The following KIF16B variants were observed in gnomAD, a reference collection of about 807,000 sequenced individuals.
KIF16B encodes the protein kinesin family member 16B.
KIF16B carries 98 observed loss-of-function variants against 156.3 expected under a neutral mutation model. That is an observed-to-expected ratio of 0.63 (90% CI 0.53 to 0.74). The LOEUF (loss-of-function observed/expected upper bound fraction) is 0.74, where lower values mean the gene tolerates loss of function less well. KIF16B is among the 30% of genes least tolerant of loss of function. The probability of loss-of-function intolerance (pLI) is 0.00; values close to 1 mark genes in which losing one functional copy is unlikely to be tolerated. For synonymous variants in KIF16B, 564 were observed against 583.7 expected, an observed-to-expected ratio of 0.97 and a Z score of 0.49; for missense variants, 1,421 against 1,606.5, an observed-to-expected ratio of 0.88 and a Z score of 1.97.
In KIF16B at chr20:16,355,219, G is replaced by A. The variant is rs931184072; in HGVS notation, c.3621+1111C>T. Among the ~76,000 whole-genome samples the A allele has an allele frequency of 7.2e-5, 11 of 152,104 alleles. No individual in the cohort carries two copies. In the East Asian group the frequency reaches 1.5e-3, roughly 21 times the overall value. On this transcript the variant is annotated intron_variant, in intron 23 of 25. Transcript: ENST00000354981. ...AGGGGTGGGGACAGGCAGGGGAGAC[G>A]GCTGGCTCTAGGCTCCTTCCTCCCT...
intron 17 of KIF16B, among the ~76,000 whole-genome samples, chr20:16,404,228 C>T (rs756447834): frequency 5.9e-5 from 9 of 152,112 alleles, no homozygotes; most frequent in Non-Finnish European, 1.2e-4. Context: ...CCGAAAAGGG[C>T]CCTCAAAGTT....
Position 16,435,134 on chromosome 20 carries a change from G to GT in KIF16B, c.1303-5153dup, listed in dbSNP as rs1233565480. Among the ~76,000 whole-genome samples, 3 of 152,222 alleles carry GT rather than the reference G, an allele frequency of 2.0e-5. No homozygotes were observed. In the East Asian group the frequency reaches 5.8e-4, roughly 29 times the overall value. On this transcript the variant is annotated intron_variant, in intron 12 of 25. Coordinates refer to ENST00000354981, the MANE Select transcript of KIF16B (RefSeq NM_024704.5). ...AAGAGGTATTTCCTAAAATATCCTT[G>GT]TAAGTCAAGAGGTTATGAAACATAA...
chr20:16,352,322 T>C (rs1003690078), intron 23 of KIF16B, among the ~76,000 whole-genome samples: 6 of 152,244 alleles, frequency 3.9e-5, no homozygotes, highest in African/African-American at 1.2e-4. Context: ...CAAAAACCTG[T>C]CTACTTATAT....
chr20:16,310,132 G>C (rs1042658962), intron 25 of KIF16B, among the ~76,000 whole-genome samples: 1 of 152,322 alleles, frequency 6.6e-6, no homozygotes, highest in East Asian at 1.9e-4. Context: ...TCAACATTAG[G>C]TGAAATGCAT....
At chr20:16,554,073 A>T (rs1240804231) in intron 1 of KIF16B, among the ~76,000 whole-genome samples, 1 of 152,198 alleles carries the variant, frequency 6.6e-6, no homozygotes. Flanking sequence ...CATGAACAGC[A>T]GCAGGAGACA....
intron 24 of KIF16B, among the ~76,000 whole-genome samples, chr20:16,321,466 G>A (rs1269302872): frequency 6.6e-6 from 1 of 151,994 alleles, no homozygotes; most frequent in East Asian, 1.9e-4. Context: ...CTAGTTCCTA[G>A]TTTCATCATC....
At chr20:16,295,679 C>A (rs1026184764) in intron 25 of KIF16B, among the ~76,000 whole-genome samples, 3 of 152,058 alleles carry the variant, frequency 2.0e-5, no homozygotes, top group Admixed American at 6.6e-5. Context: ...AAATGACAAT[C>A]CGGTCACCTG....
rs562154816 is a variant in KIF16B at position 16,272,660 on chromosome 20, C to A, written c.*593G>T. ...TGGAAGACTACAGTCATGATTGGAT[C>A]AAAAAATCCCTTTTGCAGAATATGA... is the stretch of plus-strand genomic sequence containing the variant. On this transcript the variant is annotated 3_prime_UTR_variant, in exon 26 of 26. Coordinates refer to ENST00000354981, the MANE Select transcript of KIF16B (RefSeq NM_024704.5). 6.6e-6 allele frequency: 1 copy of A among 152,332 alleles called. No homozygotes were observed. The highest frequency in any genetic ancestry group is 1.5e-5 in the Non-Finnish European group (1 of 68,008). The allele number at this position is 152,332 out of a possible 1,614,324, so 9.4% of individuals were successfully genotyped here. A position where few individuals can be genotyped will look rare whatever the true frequency, so the allele number is the denominator to read the frequency against.
At chr20:16,433,674 G>T (rs1281633750) in intron 12 of KIF16B, among the ~76,000 whole-genome samples, 1 of 151,808 alleles carries the variant, frequency 6.6e-6, no homozygotes, top group Non-Finnish European at 1.5e-5. Context: ...TGAATTAAGA[G>T]AAAGTTTTCC....
intron 12 of KIF16B, among the ~76,000 whole-genome samples, chr20:16,489,483 GC>G (rs2068221559): frequency 6.6e-6 from 1 of 152,118 alleles, no homozygotes; most frequent in African/African-American, 2.4e-5. Flanking sequence ...AATTGCTTGA[GC>G]CCAGGAATTC....
intron 25 of KIF16B, among the ~76,000 whole-genome samples, chr20:16,299,047 C>T (rs755928448): frequency 1.3e-5 from 2 of 152,124 alleles, no homozygotes; most frequent in Non-Finnish European, 2.9e-5. Context: ...TCAACACTGA[C>T]TGAATATTTG....
Position 16,339,539 on chromosome 20 carries a change from C to T in KIF16B, c.3622-3524G>A, listed in dbSNP as rs370995094. Among the ~76,000 whole-genome samples, 95 of 152,246 alleles carry T rather than the reference C, an allele frequency of 6.2e-4. 3 individuals are homozygous for T. The South Asian group carries it at 0.019, about 31-fold the overall frequency. ...TGTACCTCTCTCCTGAACCCAGACT[C>T]GTATATCCGACTGGCTACTTGACAA... is the stretch of plus-strand genomic sequence containing the variant. On this transcript the variant is annotated intron_variant, in intron 23 of 25. Transcript: ENST00000354981.
intron 12 of KIF16B, among the ~76,000 whole-genome samples, chr20:16,465,926 T>C (rs1266787702): frequency 6.6e-6 from 1 of 152,210 alleles, no homozygotes; most frequent in Non-Finnish European, 1.5e-5. Flanking sequence ...TCTCAGACCC[T>C]GCCTGGCATG....
intron 12 of KIF16B, among the ~76,000 whole-genome samples, chr20:16,440,530 C>CGT (rs1555885049): frequency 1.8e-4 from 16 of 87,638 alleles, no homozygotes; most frequent in South Asian, 4.9e-4. Flanking sequence ...CACACAAGCG[C>CGT]GCGCACACAC....
chr20:16,346,913 A>G (rs982366678), intron 23 of KIF16B, among the ~76,000 whole-genome samples: 15 of 152,342 alleles, frequency 9.8e-5, no homozygotes, highest in African/African-American at 3.4e-4. Context: ...TTCAGAGGCA[A>G]ACCAAGGAAT....
chr20:16,367,582 A>G, intron 22 of KIF16B: 1 of 1,612,838 alleles, frequency 6.2e-7, no homozygotes. Context: ...TGTGTAGAGC[A>G]GTAACTGAAC....
Position 16,364,670 on chromosome 20 carries a change from G to C in KIF16B, c.3498+5916C>G, listed in dbSNP as rs189691874. Among the ~76,000 whole-genome samples, 17 of 152,330 alleles carry C rather than the reference G, an allele frequency of 1.1e-4. No homozygotes were observed. The East Asian group carries it at 2.5e-3, about 22-fold the overall frequency. ...AACCTTAATACTTACTTCACAGAGA[G>C]TAAATCAAACTCTCACACAGAGGAA... On this transcript the variant is annotated intron_variant, in intron 22 of 25. Transcript: ENST00000354981.
chr20:16,400,569 T>G lies in KIF16B; in HGVS notation c.1784+4244A>C, dbSNP rs144925902. Among the ~76,000 whole-genome samples the G allele has an allele frequency of 3.2e-3, 490 of 152,314 alleles. 2 individuals are homozygous for G. The highest frequency in any genetic ancestry group is 0.011 in the African/African-American group (473 of 41,570). On this transcript the variant is annotated intron_variant, in intron 17 of 25. Coordinates refer to ENST00000354981, the MANE Select transcript of KIF16B (RefSeq NM_024704.5). ...CAAACAAGTTGGACACCCATGTTCA[T>G]AGCAGCATTATTCACAATAGCCAAA... is the stretch of plus-strand genomic sequence containing the variant.
chr20:16,360,726 T>C (rs748466864), intron 22 of KIF16B, among the ~76,000 whole-genome samples: 5 of 152,242 alleles, frequency 3.3e-5, no homozygotes, highest in Non-Finnish European at 5.9e-5. Context: ...ACAAATACGC[T>C]ATTTTTCCAT....
Sources: gnomAD v4.1 joint callset for allele counts (sites outside exome capture counted in the v4.1 genomes callset) on GRCh38, gnomAD v4.1.1 for gene constraint, MANE v1.5 for transcripts, NCBI Gene and HGNC (gene_info 2026-07-23, HGNC 2026-07-21) for gene names.